Variants in INO80D observed in about 807,000 individuals in gnomAD.
The protein encoded by INO80D is INO80 complex subunit D.
In INO80D, 21 loss-of-function variants were observed where a neutral mutation model predicts 87.6. The ratio of observed to expected loss-of-function variants is 0.24; its 90% confidence interval spans 0.17 to 0.35. The LOEUF (loss-of-function observed/expected upper bound fraction) is 0.35. Among genes scored for constraint, INO80D ranks in the 10% least tolerant of loss-of-function variants. INO80D has a pLI of 1.00. For synonymous variants in INO80D, 440 were observed against 491.0 expected (o/e 0.90, Z 1.37); for missense variants, 982 against 1,280.7 (o/e 0.77, Z 3.56).
chr2:206,017,016 G>A (rs1364503497), intron 8 of INO80D, among the ~76,000 whole-genome samples: 2 of 152,100 alleles, frequency 1.3e-5, no homozygotes, highest in African/African-American at 4.8e-5. Context: ...CACACACATT[G>A]AGACTGAGGT....
At chr2:206,067,325 A>C (rs186618276) in intron 1 of INO80D, among the ~76,000 whole-genome samples, 1 of 151,976 alleles carries the variant, frequency 6.6e-6, no homozygotes, top group African/African-American at 2.4e-5. Flanking sequence ...GGGAAAGAAG[A>C]GAATATGGAG....
chr2:206,071,503 G>A (rs1450629625), intron 1 of INO80D, among the ~76,000 whole-genome samples: 2 of 118,924 alleles, frequency 1.7e-5, no homozygotes, highest in Admixed American at 9.4e-5. Flanking sequence ...ACAGCTTCAG[G>A]GGTATCAATT....
At chr2:206,068,958 C>A (rs939779098) in intron 1 of INO80D, among the ~76,000 whole-genome samples, 10 of 151,784 alleles carry the variant, frequency 6.6e-5, no homozygotes, top group Non-Finnish European at 1.5e-4. Context: ...GCCTGGGCCT[C>A]CCAAAGTGCT....
chr2:206,077,429 C>T (rs1274780080), intron 1 of INO80D, among the ~76,000 whole-genome samples: 2 of 151,724 alleles, frequency 1.3e-5, no homozygotes, highest in Non-Finnish European at 2.9e-5. Context: ...GACTAAAATA[C>T]ATTCTCCAGC....
intron 3 of INO80D, among the ~76,000 whole-genome samples, chr2:206,060,722 G>A (rs1352863061): frequency 6.6e-6 from 1 of 151,794 alleles, no homozygotes; most frequent in Non-Finnish European, 1.5e-5. Context: ...CACCACACCC[G>A]GCTAATTTTG....
Position 205,999,661 on chromosome 2 carries a change from A to G in INO80D, c.*4707T>C, listed in dbSNP as rs1346689817. ...CAGCATTAATGACACTGTTTATTAG[A>G]AGAGACATAACTATTCATTTATGTT... On this transcript the variant is annotated 3_prime_UTR_variant, in exon 11 of 11. Transcript: ENST00000403263. 1 of 152,208 alleles carries G rather than the reference A, an allele frequency of 6.6e-6. No homozygotes were observed. The highest frequency in any genetic ancestry group is 1.5e-5 in the Non-Finnish European group (1 of 68,030). 9.4% of individuals were successfully genotyped at this position (152,208 alleles called of 1,614,324 possible). A position where few individuals can be genotyped will look rare whatever the true frequency, so the allele number is the denominator to read the frequency against.
rs1175831911 is a variant in INO80D, at chr2:206,004,727, C to T, written c.2725G>A (p.Ala909Thr). 15 of 1,613,728 alleles carry T rather than the reference C, an allele frequency of 9.3e-6. No individual in the cohort carries two copies. The highest frequency in any genetic ancestry group is 6.7e-5 in the East Asian group (3 of 44,870). ...DPSPFSNLLG[A>T]DGHLLSTSLS... ...GAAGTGGAAAGAAGATGTCCATCTG[C>T]GCCGAGAAGGTTGCTAAATGGAGAG... Residue 909 changes from alanine (A) to threonine (T), a missense_variant, in exon 11 of 11, where the codon GCA becomes ACA. Coordinates refer to ENST00000403263, the MANE Select transcript of INO80D (RefSeq NM_017759.5). This position sits in a 1 kb window ranked among gnomAD's most constrained non-coding sequence, Gnocchi z 4.9.
intron 6 of INO80D, 54 bp from the exon 7 acceptor site, chr2:206,019,899 G>A (rs1688415700): frequency 7.2e-7 from 1 of 1,397,424 alleles, no homozygotes; most frequent in Non-Finnish European, 1.0e-6. Context: ...AAGAATCCAG[G>A]GTAATTTTTC....
chr2:206,014,046 T>A (rs1688251889), intron 8 of INO80D, among the ~76,000 whole-genome samples: 2 of 151,150 alleles, frequency 1.3e-5, no homozygotes, highest in South Asian at 4.2e-4. Flanking sequence ...GTAATCCAGC[T>A]ACTCGGGAGG....
In INO80D at chr2:206,004,636, G is replaced by A; in HGVS notation, c.2816C>T (p.Pro939Leu). 6.2e-7 allele frequency: 1 copy of A among 1,613,620 alleles called. No homozygotes were observed. Among genetic ancestry groups the A allele is most frequent in the Non-Finnish European group, 8.5e-7 (1 of 1,179,726 alleles). Residue 939 changes from proline to leucine, a missense_variant, in exon 11 of 11, where the codon CCC becomes CTC. Coordinates refer to ENST00000403263, the MANE Select transcript of INO80D (RefSeq NM_017759.5). The surrounding 1 kb of genome is among the most constrained non-coding windows in gnomAD (Gnocchi z 4.9). ...CCCCGGAAGCACACTGGAGCTGCTGGGGGTCACGGTGGCGAAGGCAGGCTG... is the reference window on the plus strand; with the variant it reads ...CCCCGGAAGCACACTGGAGCTGCTGAGGGTCACGGTGGCGAAGGCAGGCTG... ...TTQPAFATVT[P>L]SSSSVLPGLP... is the part of the protein sequence containing the mutation.
At chr2:206,015,105 G>A (rs1427222189) in intron 8 of INO80D, among the ~76,000 whole-genome samples, 1 of 152,152 alleles carries the variant, frequency 6.6e-6, no homozygotes. Flanking sequence ...AGGTGACTTG[G>A]GTGCTATTAG....
At chr2:206,081,768 A>AG (rs1553623231) in intron 1 of INO80D, among the ~76,000 whole-genome samples, 1 of 147,062 alleles carries the variant, frequency 6.8e-6, no homozygotes, top group African/African-American at 2.5e-5. Context: ...AAAAAAAAAA[A>AG]AAAGAAAGAA....
chr2:206,043,160 C>A (rs1381612848), intron 5 of INO80D, among the ~76,000 whole-genome samples: 5 of 152,088 alleles, frequency 3.3e-5, no homozygotes, highest in Non-Finnish European at 7.4e-5. Flanking sequence ...CTAGGTAGGG[C>A]CAATTTTCTT....
chr2:206,079,398 T>C (rs996123162), intron 1 of INO80D, among the ~76,000 whole-genome samples: 1 of 152,184 alleles, frequency 6.6e-6, no homozygotes, highest in African/African-American at 2.4e-5. Flanking sequence ...ACCAAATGTA[T>C]ACAACTGCAT....
intron 1 of INO80D, among the ~76,000 whole-genome samples, chr2:206,079,192 C>T (rs1450169410): frequency 2.0e-5 from 3 of 152,070 alleles, no homozygotes; most frequent in African/African-American, 7.2e-5. Flanking sequence ...CTCACCTCAG[C>T]CTCCTGAGTA....
At chr2:206,037,771 G>A (rs116609970) in intron 5 of INO80D, among the ~76,000 whole-genome samples, 6,444 of 152,180 alleles carry the variant, frequency 0.042, 188 homozygotes, top group East Asian at 0.072. Flanking sequence ...AATGATACCG[G>A]CACTCATATG....
intron 4 of INO80D, among the ~76,000 whole-genome samples, chr2:206,049,304 T>C (rs1035230): frequency 0.3 from 46,345 of 152,100 alleles, 7,483 homozygotes; most frequent in Admixed American, 0.36. Flanking sequence ...CCTTTAAAAA[T>C]GAGTTACTTT....
chr2:206,078,815 G>A lies in INO80D; in HGVS notation c.-124+7086C>T, dbSNP rs1690194429. On this transcript the variant is annotated intron_variant, in intron 1 of 10. Coordinates refer to ENST00000403263, the MANE Select transcript of INO80D (RefSeq NM_017759.5). Reference sequence around the variant, plus strand: ...CAAAAATTACTGGGTGTGGTGGTGGGCGCCTGTAATCCCAGCTACTCGGGA... The same window carrying A: ...CAAAAATTACTGGGTGTGGTGGTGGACGCCTGTAATCCCAGCTACTCGGGA... Among the ~76,000 whole-genome samples, 7 of 152,028 alleles carry A rather than the reference G, an allele frequency of 4.6e-5. No homozygotes were observed. The South Asian group carries it at 1.5e-3, about 32-fold the overall frequency.
chr2:206,002,526 T>TA lies in INO80D; in HGVS notation c.*1841dup, dbSNP rs1452382169. On this transcript the variant is annotated 3_prime_UTR_variant, in exon 11 of 11. Transcript: ENST00000403263. ...TTTGGCCCACAAAAAGAAACATCAA[T>TA]AAATACAAAATAGGGCATATAATGA... The TA allele has an allele frequency of 6.6e-6, 1 of 152,142 alleles. No individual in the cohort carries two copies. Among genetic ancestry groups the TA allele is most frequent in the Non-Finnish European group, 1.5e-5 (1 of 68,006 alleles). 9.4% of individuals were successfully genotyped at this position (152,142 alleles called of 1,614,324 possible).
Sources: gnomAD v4.1 joint callset for allele counts (sites outside exome capture counted in the v4.1 genomes callset) on GRCh38, gnomAD v4.1.1 for gene constraint, Gnocchi (gnomAD v3.1) non-coding constraint, MANE v1.5 for transcripts, NCBI Gene and HGNC (gene_info 2026-07-23, HGNC 2026-07-21) for gene names.